C8orf34: variants seen among roughly 807,000 people sequenced by gnomAD.
C8orf34 encodes the protein chromosome 8 open reading frame 34.
C8orf34 carries 65 observed loss-of-function variants against 68.3 expected under a neutral mutation model. That is an observed-to-expected ratio of 0.95 (90% CI 0.78 to 1.17). C8orf34 has a LOEUF of 1.17. Ranked by LOEUF, C8orf34 falls within the 50% of genes most tolerant of loss-of-function variation. The pLI is 0.00. For synonymous variants in C8orf34, 244 were observed against 241.2 expected, an observed-to-expected ratio of 1.01 and a Z score of -0.11; for missense variants, 664 against 655.4, an observed-to-expected ratio of 1.01 and a Z score of -0.14.
intron 5 of C8orf34, among the ~76,000 whole-genome samples, chr8:68,516,646 A>ATTTATTTATTTATTTATTTT: frequency 6.6e-6 from 1 of 151,248 alleles, no homozygotes; most frequent in Non-Finnish European, 1.5e-5. Flanking sequence ...TTATTTATTT[A>ATTTATTTATTTATTTATTTT]TTTTTTATTT....
At chr8:68,630,242 A>G (rs1585640966) in intron 7 of C8orf34, among the ~76,000 whole-genome samples, 1 of 152,252 alleles carries the variant, frequency 6.6e-6, no homozygotes, top group African/African-American at 2.4e-5. Flanking sequence ...AAAAAGAAAC[A>G]GGTAAAATTA....
chr8:68,634,701 C>A (rs1450148400), intron 7 of C8orf34, among the ~76,000 whole-genome samples: 1 of 152,002 alleles, frequency 6.6e-6, no homozygotes, highest in Non-Finnish European at 1.5e-5. Flanking sequence ...ATGACCAAAC[C>A]AAATTTTTTA....
At chr8:68,513,772 G>T (rs1356832445) in intron 5 of C8orf34, among the ~76,000 whole-genome samples, 5 of 152,174 alleles carry the variant, frequency 3.3e-5, no homozygotes, top group Non-Finnish European at 7.3e-5. Context: ...CAGCCAGTTG[G>T]CTGTGTGGGA....
At chr8:68,545,972 T>A (rs55999026) in intron 7 of C8orf34, among the ~76,000 whole-genome samples, 27,999 of 151,984 alleles carry the variant, frequency 0.18, 3,220 homozygotes, top group African/African-American at 0.32. Context: ...GTGCTAAAGC[T>A]TCTACATTAT....
intron 10 of C8orf34, among the ~76,000 whole-genome samples, chr8:68,774,229 G>C: frequency 6.6e-6 from 1 of 151,434 alleles, no homozygotes; most frequent in East Asian, 1.9e-4. Flanking sequence ...AATTGGAACA[G>C]CCCATAGCAC....
chr8:68,783,534 A>AG (rs1379324605), intron 11 of C8orf34, among the ~76,000 whole-genome samples: 4 of 151,366 alleles, frequency 2.6e-5, no homozygotes, highest in African/African-American at 9.7e-5. Flanking sequence ...AAAAAAAAAA[A>AG]AAAAAAAAAA....
chr8:68,597,745 G>C (rs892730540), intron 7 of C8orf34, among the ~76,000 whole-genome samples: 1 of 152,018 alleles, frequency 6.6e-6, no homozygotes, highest in African/African-American at 2.4e-5. Context: ...TTAAACCCAG[G>C]TTAAGCCTTA....
intron 1 of C8orf34, among the ~76,000 whole-genome samples, chr8:68,353,621 G>A (rs1255399901): frequency 7.6e-6 from 1 of 131,688 alleles, no homozygotes; most frequent in Non-Finnish European, 1.6e-5. Context: ...TATATATACA[G>A]TTGATTATAT....
chr8:68,357,300 G>C (rs1157374650), intron 1 of C8orf34, among the ~76,000 whole-genome samples: 10 of 152,078 alleles, frequency 6.6e-5, no homozygotes, highest in Non-Finnish European at 1.5e-4. Flanking sequence ...TTAAGTAGGT[G>C]ACAATGTTAA....
intron 3 of C8orf34, among the ~76,000 whole-genome samples, chr8:68,467,954 G>A (rs768646882): frequency 8.6e-5 from 13 of 151,754 alleles, no homozygotes; most frequent in Non-Finnish European, 1.8e-4. Flanking sequence ...ACCTGTGCCC[G>A]ACATTTAATG....
At position 68,532,897 on chromosome 8, in the gene C8orf34, C is replaced by T. The variant is rs1227411105; in HGVS notation, c.939-86C>T. On this transcript the variant is annotated intron_variant, in intron 6 of 13. Coordinates refer to ENST00000518698, the MANE Select transcript of C8orf34 (RefSeq NM_052958.4). ...AAAACTTTAGTAACATGTCCACATACGTGTGTAATAAAATAACCAAATGGA... is the reference window on the plus strand; with the variant it reads ...AAAACTTTAGTAACATGTCCACATATGTGTGTAATAAAATAACCAAATGGA... 1.9e-5 allele frequency: 18 copies of T among 928,184 alleles called. 1 individual carries two copies. The highest frequency in any genetic ancestry group is 2.6e-5 in the East Asian group (1 of 38,288). The allele number at this position is 928,184 out of a possible 1,614,324, so 57.5% of individuals were successfully genotyped here. A position where few individuals can be genotyped will look rare whatever the true frequency, so the allele number is the denominator to read the frequency against.
chr8:68,639,260 T>A (rs1818933961), intron 7 of C8orf34, among the ~76,000 whole-genome samples: 1 of 152,128 alleles, frequency 6.6e-6, no homozygotes, highest in Admixed American at 6.6e-5. Context: ...GAAGTTGAGT[T>A]AAAACCCTAA....
chr8:68,603,039 C>T (rs1326469254), intron 7 of C8orf34, among the ~76,000 whole-genome samples: 1 of 152,132 alleles, frequency 6.6e-6, no homozygotes, highest in Non-Finnish European at 1.5e-5. Context: ...CCAGGGAAAT[C>T]ACAGCCTTGC....
At chr8:68,817,731 G>A (rs10109701) in intron 13 of C8orf34, among the ~76,000 whole-genome samples, 18,345 of 152,122 alleles carry the variant, frequency 0.12, 1,293 homozygotes, top group African/African-American at 0.16. Flanking sequence ...AAAGAAAAGA[G>A]GTTTAAGTGC....
chr8:68,424,931 C>A (rs940250972), intron 1 of C8orf34, among the ~76,000 whole-genome samples: 2 of 151,984 alleles, frequency 1.3e-5, no homozygotes, highest in African/African-American at 4.8e-5. Context: ...TATAATCATA[C>A]ACCATGATTG....
intron 7 of C8orf34, among the ~76,000 whole-genome samples, chr8:68,541,824 T>G (rs1815712509): frequency 6.6e-6 from 1 of 152,202 alleles, no homozygotes; most frequent in African/African-American, 2.4e-5. Context: ...TATTCACTTA[T>G]TTAAAGACAG....
At chr8:68,650,678 AC>A (rs1448857410) in intron 8 of C8orf34, among the ~76,000 whole-genome samples, 2 of 151,614 alleles carry the variant, frequency 1.3e-5, no homozygotes, top group East Asian at 3.9e-4. Flanking sequence ...ATGGGGTTTC[AC>A]CGTTTTAGCC....
intron 8 of C8orf34, among the ~76,000 whole-genome samples, chr8:68,676,984 C>T (rs1194570734): frequency 2.0e-5 from 3 of 152,166 alleles, no homozygotes; most frequent in African/African-American, 4.8e-5. Flanking sequence ...GACCCACCCC[C>T]ATGATTCAGT....
chr8:68,671,548 A>C (rs1344332335), intron 8 of C8orf34, among the ~76,000 whole-genome samples: 1 of 152,322 alleles, frequency 6.6e-6, no homozygotes, highest in East Asian at 1.9e-4. Flanking sequence ...TTTAGAATAC[A>C]ATACTAGCAT....
Sources: gnomAD v4.1 joint callset for allele counts (sites outside exome capture counted in the v4.1 genomes callset) on GRCh38, gnomAD v4.1.1 for gene constraint, MANE v1.5 for transcripts, NCBI Gene and HGNC (gene_info 2026-07-23, HGNC 2026-07-21) for gene names.